FAM151A: variants seen among roughly 807,000 people sequenced by gnomAD.
FAM151A encodes the protein family with sequence similarity 151 member A.
Under a neutral mutation model 40.4 loss-of-function variants are expected in FAM151A, and 41 were observed. The observed-to-expected ratio is 1.01, with a 90% CI of 0.79 to 1.32. The LOEUF is 1.32. Among genes scored for constraint, FAM151A ranks in the 40% most tolerant of loss-of-function variants. The probability of loss-of-function intolerance (pLI) is 0.00; values close to 1 mark genes in which losing one functional copy is unlikely to be tolerated. For missense variants in FAM151A, 740 were observed against 740.4 expected, an observed-to-expected ratio of 1.00 and a Z score of 0.01; for synonymous variants, 337 against 312.5, an observed-to-expected ratio of 1.08 and a Z score of -0.83.
rs1054960754 is a variant in FAM151A, at chr1:54,609,705, CAGGCCAATGCAAG to C, written c.1308_1320del (p.Leu437CysfsTer34). Reference sequence around the variant, plus strand: ...TGGGAGATTTTGGCCCCAACCCACACAGGCCAATGCAAGAGGCCAAGGCTGGAGAGGCGTGCCA... The same window carrying C: ...TGGGAGATTTTGGCCCCAACCCACACAGGCCAAGGCTGGAGAGGCGTGCCA... On this transcript the variant is annotated frameshift_variant, in exon 8 of 8. Transcript: ENST00000302250. LOFTEE classifies it low-confidence loss of function (END_TRUNC). 6 of 1,614,126 alleles carry C rather than the reference CAGGCCAATGCAAG, an allele frequency of 3.7e-6. No individual in the cohort carries two copies. Among genetic ancestry groups the C allele is most frequent in the Non-Finnish European group, 5.1e-6 (6 of 1,180,034 alleles).
chr1:54,614,143 T>C (rs910673334), intron 4 of FAM151A, among the ~76,000 whole-genome samples: 1 of 152,188 alleles, frequency 6.6e-6, no homozygotes, highest in African/African-American at 2.4e-5. Flanking sequence ...GGCAGTGCTA[T>C]GTAAGGATGA....
chr1:54,616,967 AAG>A, intron 2 of FAM151A, among the ~76,000 whole-genome samples: 1 of 143,228 alleles, frequency 7.0e-6, no homozygotes, highest in East Asian at 2.0e-4. Context: ...TGGCCTCTCA[AAG>A]TGTTGAGATT....
chr1:54,617,528 C>G (rs1041116655), intron 2 of FAM151A, among the ~76,000 whole-genome samples: 4 of 151,018 alleles, frequency 2.6e-5, no homozygotes, highest in African/African-American at 9.7e-5. Context: ...AACTCTTTAT[C>G]ATAGTCTTCG....
chr1:54,623,207 A>T, intron 1 of FAM151A, 71 bp downstream of exon 1: 1 of 998,420 alleles, frequency 1.0e-6, no homozygotes, highest in Non-Finnish European at 1.6e-6. Context: ...TCAGAGCTGT[A>T]AGTGAGAAGT....
At chr1:54,612,764 T>C in intron 4 of FAM151A, 54 bp from the exon 5 acceptor site, 1 of 1,348,622 alleles carries the variant, frequency 7.4e-7, no homozygotes, top group Non-Finnish European at 1.1e-6. Context: ...CCCCTTCCTC[T>C]CCTCTGGGGT....
Position 54,620,025 on chromosome 1 carries a change from G to C in FAM151A, c.119-18C>G. 1.2e-6 allele frequency: 2 copies of C among 1,612,796 alleles called. No individual in the cohort carries two copies. The highest frequency in any genetic ancestry group is 1.7e-6 in the Non-Finnish European group (2 of 1,179,280). On this transcript the variant is annotated intron_variant, in intron 1 of 7. Transcript: ENST00000302250. ...CTCACAGCCTGGAAGGAATCCCAAG[G>C]GGCTGTTAGCGTCTGTCCTCGCCCC...
At chr1:54,618,791 C>T (rs1439892643) in intron 2 of FAM151A, among the ~76,000 whole-genome samples, 2 of 152,278 alleles carry the variant, frequency 1.3e-5, no homozygotes, top group South Asian at 2.1e-4. Context: ...TGCTAGCTTC[C>T]AGTCCCCACC....
At chr1:54,615,008 C>G in intron 3 of FAM151A, 149 bp from the exon 4 acceptor site, 1 of 758,608 alleles carries the variant, frequency 1.3e-6, no homozygotes, top group Non-Finnish European at 2.1e-6. Context: ...CACCACATCC[C>G]TGCAGGGTGT....
chr1:54,612,448 G>C (rs757557884), intron 5 of FAM151A, 38 bp downstream of exon 5: 3 of 1,473,796 alleles, frequency 2.0e-6, no homozygotes, highest in Non-Finnish European at 2.8e-6. Flanking sequence ...GGGCATCAGT[G>C]CCTCCAGGAG....
At chr1:54,615,990 G>C in intron 3 of FAM151A, 30 bp downstream of exon 3, 1 of 1,610,092 alleles carries the variant, frequency 6.2e-7, no homozygotes, top group Non-Finnish European at 8.5e-7. Flanking sequence ...AGGGCTGGGG[G>C]CCGGAGAGGG....
chr1:54,609,656 T>C lies in FAM151A; in HGVS notation c.1370A>G (p.His457Arg), dbSNP rs913221290. 4 of 1,613,894 alleles carry C rather than the reference T, an allele frequency of 2.5e-6. No homozygotes were observed. The highest frequency in any genetic ancestry group is 2.7e-5 in the African/African-American group (2 of 74,946). ...TGTAAGCAGCTCTCTGCCAGCCACATGGCCGGGGACCGAAAAACTCCCGTG... is the reference window on the plus strand; with the variant it reads ...TGTAAGCAGCTCTCTGCCAGCCACACGGCCGGGGACCGAAAAACTCCCGTG... ...ISHGSFSVPG[H>R]VAGRELLTAV... is the part of the protein sequence containing the mutation. Residue 457 changes from histidine to arginine, a missense_variant, in exon 8 of 8, where the codon CAT becomes CGT. Coordinates refer to ENST00000302250, the MANE Select transcript of FAM151A (RefSeq NM_176782.3).
intron 2 of FAM151A, among the ~76,000 whole-genome samples, 178 bp from the exon 3 acceptor site, chr1:54,616,350 T>G (rs1314052812): frequency 6.6e-6 from 1 of 152,186 alleles, no homozygotes; most frequent in Non-Finnish European, 1.5e-5. Context: ...TTCTTCCATT[T>G]TCTTCTATGC....
intron 4 of FAM151A, among the ~76,000 whole-genome samples, chr1:54,614,014 C>A (rs74071868): frequency 1.3e-5 from 2 of 152,192 alleles, no homozygotes; most frequent in African/African-American, 4.8e-5. Flanking sequence ...AAGAGTTAAA[C>A]GGTGTTCTGC....
intron 2 of FAM151A, among the ~76,000 whole-genome samples, chr1:54,617,709 ATTTTTTTTTTTTTT>A (rs56229276): frequency 0.045 from 2,524 of 55,944 alleles, 53 homozygotes; most frequent in Non-Finnish European, 0.057. Context: ...AGGGCCTGAG[ATTTTTTTTTTTTTT>A]TTTTTTTTTT....
In FAM151A at chr1:54,614,703, G is replaced by C. The variant is rs764576047; in HGVS notation, c.572C>G (p.Thr191Arg). 1 of 1,612,088 alleles carries C rather than the reference G, an allele frequency of 6.2e-7. No homozygotes were observed. The highest frequency in any genetic ancestry group is 1.1e-5 in the South Asian group (1 of 90,860). ...NMLISTEVNA[T>R]QFLALVQEKY... ...GGACAGAGAGGCGAACACTCACTGT[G>C]TGGCATTGACCTCAGTTGAGATGAG... The change falls in exon 4 of 8, where the codon ACA (threonine) becomes AGA (arginine). Residue 191 changes from threonine (T) to arginine (R), a missense_variant. By Grantham distance (71) the Thr-to-Arg change is moderately conservative. Coordinates refer to ENST00000302250, the MANE Select transcript of FAM151A (RefSeq NM_176782.3).
chr1:54,617,092 A>G (rs183357331), intron 2 of FAM151A, among the ~76,000 whole-genome samples: 4 of 152,316 alleles, frequency 2.6e-5, no homozygotes, highest in African/African-American at 7.2e-5. Flanking sequence ...TGCCCATCTC[A>G]CCACATCATC....
intron 4 of FAM151A, among the ~76,000 whole-genome samples, chr1:54,613,608 G>A (rs539767062): frequency 3.9e-5 from 6 of 152,080 alleles, no homozygotes; most frequent in South Asian, 2.1e-4. Flanking sequence ...TTTGAACTTT[G>A]CCTTGATGAA....
chr1:54,623,409 G>A lies in FAM151A; in HGVS notation c.-14C>T. ...CCTGCAGACCATGGCGACGCTCTCT[G>A]GGGAATGCCCCCAACTCCGTGCGGC... On this transcript the variant is annotated 5_prime_UTR_variant, in exon 1 of 8. Coordinates refer to ENST00000302250, the MANE Select transcript of FAM151A (RefSeq NM_176782.3). 6.2e-7 allele frequency: 1 copy of A among 1,603,360 alleles called. No homozygotes were observed. The highest frequency in any genetic ancestry group is 2.2e-5 in the East Asian group (1 of 44,828).
At chr1:54,610,070 C>G in intron 7 of FAM151A, 129 bp from the exon 8 acceptor site, 1 of 1,438,786 alleles carries the variant, frequency 7.0e-7, no homozygotes, top group African/African-American at 1.4e-5. Context: ...ATCTGTCAAC[C>G]CAGTTTTGGG....
Sources: gnomAD v4.1 joint callset for allele counts (sites outside exome capture counted in the v4.1 genomes callset) on GRCh38, gnomAD v4.1.1 for gene constraint, MANE v1.5 for transcripts, NCBI Gene and HGNC (gene_info 2026-07-23, HGNC 2026-07-21) for gene names.